Variants in ETV6 observed in about 807,000 individuals in gnomAD.
ETV6 encodes transcription factor ETV6.
A neutral mutation model predicts 51.1 loss-of-function variants in ETV6; 16 were observed. That is an observed-to-expected ratio of 0.31 (90% CI 0.21 to 0.48). The LOEUF is 0.48. Among genes scored for constraint, ETV6 ranks in the 20% least tolerant of loss-of-function variants. The pLI is 0.99. For synonymous variants in ETV6, 240 were observed against 224.1 expected, an observed-to-expected ratio of 1.07 and a Z score of -0.64; for missense variants, 458 against 594.8, an observed-to-expected ratio of 0.77 and a Z score of 2.39.
At chr12:11,847,517 G>T (rs1946483291) in intron 3 of ETV6, among the ~76,000 whole-genome samples, 1 of 152,228 alleles carries the variant, frequency 6.6e-6, no homozygotes, top group South Asian at 2.1e-4. Flanking sequence ...GAAGGAGGAA[G>T]AGCAGAGAAG....
chr12:11,826,610 A>T (rs1182861132), intron 2 of ETV6: 2 of 152,292 alleles, frequency 1.3e-5, no homozygotes, highest in African/African-American at 4.8e-5. Context: ...AAGTGTGAAC[A>T]GCCTGTATTG....
intron 1 of ETV6, among the ~76,000 whole-genome samples, chr12:11,720,229 A>G (rs1325040605): frequency 6.6e-6 from 1 of 152,228 alleles, no homozygotes; most frequent in Non-Finnish European, 1.5e-5. Flanking sequence ...AGCCATCAGC[A>G]CAGTCATCTC....
intron 2 of ETV6, among the ~76,000 whole-genome samples, chr12:11,802,060 AGGAAATTTCCTGTGATGGAAACTCTGG>A (rs1473460726): frequency 1.3e-5 from 2 of 152,250 alleles, no homozygotes; most frequent in Non-Finnish European, 2.9e-5. Flanking sequence ...ACTTCCTTAC[AGGAAATTTCCTGTGATGGAAACTCTGG>A]GGAAACTTCC....
chr12:11,703,668 C>A (rs1214281939), intron 1 of ETV6, among the ~76,000 whole-genome samples: 2 of 152,204 alleles, frequency 1.3e-5, no homozygotes, highest in Non-Finnish European at 2.9e-5. Flanking sequence ...GGGGGCTATT[C>A]TGAATGATCA....
In ETV6 at chr12:11,839,322, T is replaced by C; in HGVS notation, c.328+18T>C. The C allele has an allele frequency of 6.2e-7, 1 of 1,601,770 alleles. No homozygotes were observed. The highest frequency in any genetic ancestry group is 8.5e-7 in the Non-Finnish European group (1 of 1,171,690). On this transcript the variant is annotated intron_variant, in intron 3 of 7. Coordinates refer to ENST00000396373, the MANE Select transcript of ETV6 (RefSeq NM_001987.5). ...TCATTCAGGTGAGAGTCTGGACTCT[T>C]GGCATATGCCCAACTTGGAAAGTCT...
intron 5 of ETV6, among the ~76,000 whole-genome samples, chr12:11,877,314 T>G (rs1947005374): frequency 6.6e-6 from 1 of 151,910 alleles, no homozygotes; most frequent in Non-Finnish European, 1.5e-5. Flanking sequence ...TTTTTTTTTT[T>G]TTTTAATTTT....
chr12:11,716,938 G>T (rs1402581438), intron 1 of ETV6, among the ~76,000 whole-genome samples: 1 of 152,154 alleles, frequency 6.6e-6, no homozygotes, highest in Admixed American at 6.5e-5. Flanking sequence ...TTATCTCTTA[G>T]ATCTAAAATC....
At chr12:11,686,136 T>C (rs1864624073) in intron 1 of ETV6, among the ~76,000 whole-genome samples, 1 of 152,250 alleles carries the variant, frequency 6.6e-6, no homozygotes, top group Admixed American at 6.5e-5. Flanking sequence ...GCTTTACCAG[T>C]CAGCTACATT....
chr12:11,861,909 C>T (rs1318370971), intron 4 of ETV6, among the ~76,000 whole-genome samples: 5 of 152,178 alleles, frequency 3.3e-5, no homozygotes, highest in African/African-American at 9.7e-5. Context: ...TAATTCACTT[C>T]TTTTGTGCTG....
intron 1 of ETV6, among the ~76,000 whole-genome samples, chr12:11,666,053 A>T (rs1398406821): frequency 6.6e-6 from 1 of 152,082 alleles, no homozygotes; most frequent in African/African-American, 2.4e-5. Context: ...TGTTTGTTGT[A>T]GCTGTGTGCG....
intron 2 of ETV6, among the ~76,000 whole-genome samples, chr12:11,816,297 T>G (rs1209901812): frequency 6.6e-6 from 1 of 152,194 alleles, no homozygotes; most frequent in African/African-American, 2.4e-5. Flanking sequence ...CAGGCTGGAG[T>G]GCAATGGCGC....
At chr12:11,790,022 A>G (rs1945557018) in intron 2 of ETV6, among the ~76,000 whole-genome samples, 1 of 151,774 alleles carries the variant, frequency 6.6e-6, no homozygotes. Context: ...TGTAGGTCCA[A>G]TAATTATCTT....
chr12:11,717,921 CA>C (rs1174008863), intron 1 of ETV6, among the ~76,000 whole-genome samples: 2 of 152,178 alleles, frequency 1.3e-5, no homozygotes, highest in Non-Finnish European at 2.9e-5. Flanking sequence ...ACAGAATTAA[CA>C]GCCTGGAAGT....
chr12:11,787,640 C>A (rs1277197210), intron 2 of ETV6, among the ~76,000 whole-genome samples: 1 of 152,058 alleles, frequency 6.6e-6, no homozygotes, highest in East Asian at 1.9e-4. Flanking sequence ...AGAGGTTAGG[C>A]CATTTGTTCA....
intron 5 of ETV6, among the ~76,000 whole-genome samples, chr12:11,875,072 A>G (rs1188888327): frequency 1.3e-5 from 2 of 152,174 alleles, no homozygotes; most frequent in African/African-American, 4.8e-5. Flanking sequence ...ATGCAAATTT[A>G]TGTCTGTTAG....
Position 11,716,303 on chromosome 12 carries a change from C to T in ETV6, c.34-36147C>T, listed in dbSNP as rs954402150. 6.2e-5 allele frequency among the ~76,000 whole-genome samples: 8 copies of T among 128,872 alleles called. No individual in the cohort carries two copies. In the Admixed American group the frequency reaches 7.6e-4, roughly 12 times the overall value. 84.5% of individuals were successfully genotyped at this position (128,872 alleles called of 152,430 possible). A position where few individuals can be genotyped will look rare whatever the true frequency, so the allele number is the denominator to read the frequency against. ...CGGAGATCATGCCACTGCACTCCAG[C>T]CTGGGCGACAGAGCAAGACTCCTTC... is the stretch of plus-strand genomic sequence containing the variant. On this transcript the variant is annotated intron_variant, in intron 1 of 7. Coordinates refer to ENST00000396373, the MANE Select transcript of ETV6 (RefSeq NM_001987.5).
In ETV6 at chr12:11,894,931, CTAGT is replaced by C; in HGVS notation, c.*3889_*3892del. 4.3e-6 allele frequency: 1 copy of C among 233,604 alleles called. No homozygotes were observed. 14.5% of individuals were successfully genotyped at this position (233,604 alleles called of 1,614,324 possible). A position where few individuals can be genotyped will look rare whatever the true frequency, so the allele number is the denominator to read the frequency against. ...GTTTTCTTTGCCCAAGCATTTGGTG[CTAGT>C]TAGAGGCTGTTCACTCTCTCCTGCT... On this transcript the variant is annotated 3_prime_UTR_variant, in exon 8 of 8. Coordinates refer to ENST00000396373, the MANE Select transcript of ETV6 (RefSeq NM_001987.5).
intron 2 of ETV6, among the ~76,000 whole-genome samples, chr12:11,829,425 C>T (rs1313414470): frequency 6.6e-6 from 1 of 152,166 alleles, no homozygotes; most frequent in Non-Finnish European, 1.5e-5. Flanking sequence ...GTAACTAACC[C>T]AGCGCTAGTA....
At chr12:11,814,401 G>A (rs1392751611) in intron 2 of ETV6, among the ~76,000 whole-genome samples, 1 of 151,656 alleles carries the variant, frequency 6.6e-6, no homozygotes, top group African/African-American at 2.4e-5. Context: ...CAGATCATTC[G>A]ATCTCAAACC....
Sources: allele counts gnomAD v4.1 joint callset (sites outside exome capture counted in the v4.1 genomes callset), GRCh38; gene constraint gnomAD v4.1.1; transcripts MANE v1.5; gene names NCBI Gene and HGNC (gene_info 2026-07-23, HGNC 2026-07-21).